Variants in CLNK observed in about 807,000 individuals in gnomAD.
CLNK encodes cytokine dependent hematopoietic cell linker, also known as cytokine-dependent hematopoietic cell linker.
A neutral mutation model predicts 68.6 loss-of-function variants in CLNK; 74 were observed. The ratio of observed to expected loss-of-function variants is 1.08; its 90% CI spans 0.89 to 1.31. The LOEUF (loss-of-function observed/expected upper bound fraction) is 1.31, where lower values mean the gene tolerates loss of function less well. Ranked by LOEUF, CLNK falls within the 50% of genes most tolerant of loss-of-function variation. The probability of loss-of-function intolerance (pLI) is 0.00; values close to 1 mark genes in which losing one functional copy is unlikely to be tolerated. For synonymous variants in CLNK, 198 were observed against 172.2 expected, an observed-to-expected ratio of 1.15 and a Z score of -1.17; for missense variants, 553 against 515.3, an observed-to-expected ratio of 1.07 and a Z score of -0.71.
At chr4:10,727,338 G>A in the CLNK span, among the ~76,000 whole-genome samples, 9 of 152,300 alleles carry the variant, frequency 5.9e-5, no homozygotes, top group Non-Finnish European at 1.3e-4. Flanking sequence ...GGAAAATTCC[G>A]TGGTGGAACA....
intron 2 of CLNK, among the ~76,000 whole-genome samples, chr4:10,604,965 T>G (rs938131265): frequency 2.0e-5 from 3 of 152,232 alleles, no homozygotes; most frequent in African/African-American, 7.2e-5. Context: ...CAGATGATGC[T>G]TCATAATGTG....
chr4:10,552,838 G>A (rs1053472882), intron 8 of CLNK, among the ~76,000 whole-genome samples: 4 of 152,048 alleles, frequency 2.6e-5, no homozygotes, highest in African/African-American at 4.8e-5. Flanking sequence ...AGAACCCCTC[G>A]GGCGGTTACA....
intron 15 of CLNK, among the ~76,000 whole-genome samples, chr4:10,514,366 A>G (rs1017447948): frequency 2.4e-4 from 37 of 152,180 alleles, no homozygotes; most frequent in Non-Finnish European, 4.6e-4. Context: ...TCATTTGGGT[A>G]TATACCCAGT....
intron 1 of CLNK, among the ~76,000 whole-genome samples, chr4:10,680,968 C>A (rs1201208936): frequency 1.3e-5 from 2 of 151,496 alleles, no homozygotes; most frequent in African/African-American, 4.8e-5. Context: ...TAGACTTGCC[C>A]ATGAGTGAGG....
chr4:10,594,626 G>A (rs901371711), intron 3 of CLNK, among the ~76,000 whole-genome samples: 1 of 152,206 alleles, frequency 6.6e-6, no homozygotes, highest in Admixed American at 6.5e-5. Flanking sequence ...ATGTGGCTGT[G>A]CTTTCCAGAA....
At chr4:10,625,542 T>C (rs1389294353) in intron 2 of CLNK, among the ~76,000 whole-genome samples, 9 of 151,718 alleles carry the variant, frequency 5.9e-5, no homozygotes, top group Non-Finnish European at 1.2e-4. Context: ...TGCTTGTGTG[T>C]AAGAGGGAGA....
chr4:10,598,076 C>T lies in CLNK; in HGVS notation c.12-27G>A. ...TGGGATGAAAGAAAATAAATTATAG[C>T]TGGGAAATAGCAAGAAGCTAGGGGA... On this transcript the variant is annotated intron_variant, in intron 2 of 18. Transcript: ENST00000226951. 1.3e-6 allele frequency: 2 copies of T among 1,482,130 alleles called. 1 individual carries two copies. Among genetic ancestry groups the T allele is most frequent in the South Asian group, 2.5e-5 (2 of 81,098 alleles). The allele number at this position is 1,482,130 out of a possible 1,614,324, so 91.8% of individuals were successfully genotyped here. A position where few individuals can be genotyped will look rare whatever the true frequency, so the allele number is the denominator to read the frequency against.
the CLNK span, among the ~76,000 whole-genome samples, chr4:10,699,512 A>ATATATATATATTTTAT: frequency 3.1e-5 from 1 of 32,748 alleles, no homozygotes; most frequent in African/African-American, 1.2e-4. Context: ...ATATATATAT[A>ATATATATATATTTTAT]TTTTTTTTTT....
At chr4:10,532,209 G>A (rs1718570812) in intron 12 of CLNK, 47 bp downstream of exon 12, 1 of 1,459,462 alleles carries the variant, frequency 6.9e-7, no homozygotes, top group Middle Eastern at 1.7e-4. Flanking sequence ...GACATTTAAT[G>A]CCTCAAAATT....
intron 3 of CLNK, among the ~76,000 whole-genome samples, chr4:10,591,095 C>G (rs931876497): frequency 1.3e-5 from 2 of 152,112 alleles, no homozygotes; most frequent in African/African-American, 4.8e-5. Flanking sequence ...GCACAGTGTG[C>G]TCAGACAGTA....
chr4:10,536,018 T>A (rs1284012389), intron 11 of CLNK, among the ~76,000 whole-genome samples: 1 of 152,172 alleles, frequency 6.6e-6, no homozygotes, highest in Non-Finnish European at 1.5e-5. Context: ...GTGCTTCAAT[T>A]CAGTAATTGT....
At chr4:10,719,580 A>T in the CLNK span, among the ~76,000 whole-genome samples, 1 of 152,134 alleles carries the variant, frequency 6.6e-6, no homozygotes, top group Non-Finnish European at 1.5e-5. Flanking sequence ...CTGAAAATGG[A>T]TAGAATTAAA....
At chr4:10,636,230 T>A (rs1281041678) in intron 2 of CLNK, among the ~76,000 whole-genome samples, 1 of 152,222 alleles carries the variant, frequency 6.6e-6, no homozygotes, top group Non-Finnish European at 1.5e-5. Context: ...TCCATTCATC[T>A]TGGAGTAGGG....
chr4:10,585,007 A>T lies in CLNK; in HGVS notation c.84-52T>A. 2.5e-6 allele frequency: 4 copies of T among 1,584,456 alleles called. No individual in the cohort carries two copies. The South Asian group carries it at 4.5e-5, about 18-fold the overall frequency. On this transcript the variant is annotated intron_variant, in intron 3 of 18. Coordinates refer to ENST00000226951, the MANE Select transcript of CLNK (RefSeq NM_052964.4). ...AATGTCCATTGCTCCACCTCCACCG[A>T]CCCCCCGCCACATAGGAACAGGCAG...
intron 4 of CLNK, among the ~76,000 whole-genome samples, chr4:10,578,728 C>T (rs907263305): frequency 2.6e-5 from 4 of 151,660 alleles, no homozygotes; most frequent in African/African-American, 9.7e-5. Flanking sequence ...AGCACCACCA[C>T]ATCTGGCTAA....
intron 3 of CLNK, among the ~76,000 whole-genome samples, chr4:10,595,680 C>G (rs1263839983): frequency 6.6e-6 from 1 of 152,130 alleles, no homozygotes; most frequent in Non-Finnish European, 1.5e-5. Context: ...TGATGGGGAG[C>G]ACCAGGGTTG....
upstream of CLNK, among the ~76,000 whole-genome samples, chr4:10,689,685 G>T (rs1725392892): frequency 1.4e-5 from 2 of 139,314 alleles, no homozygotes; most frequent in Non-Finnish European, 3.1e-5. Context: ...AGGGTGTGTT[G>T]TTTGTTTTAA....
intron 2 of CLNK, among the ~76,000 whole-genome samples, chr4:10,664,438 G>A (rs1251456306): frequency 1.3e-5 from 2 of 152,222 alleles, no homozygotes; most frequent in African/African-American, 4.8e-5. Context: ...CTCTGTGTGT[G>A]TGGTGATGGG....
chr4:10,583,010 A>G (rs548028954), intron 4 of CLNK, among the ~76,000 whole-genome samples: 1 of 152,168 alleles, frequency 6.6e-6, no homozygotes, highest in Non-Finnish European at 1.5e-5. Context: ...CAACATCATC[A>G]TTTTAATGGC....
Sources: allele counts gnomAD v4.1 joint callset (sites outside exome capture counted in the v4.1 genomes callset), GRCh38; gene constraint gnomAD v4.1.1; transcripts MANE v1.5; gene names NCBI Gene and HGNC (gene_info 2026-07-23, HGNC 2026-07-21).